Variants in PUDP observed in about 807,000 individuals in gnomAD.
The protein encoded by PUDP is pseudouridine 5'-phosphatase.
Under a neutral mutation model 9.4 loss-of-function variants are expected in PUDP, and 8 were observed. The ratio of observed to expected loss-of-function variants is 0.85; its 90% CI spans 0.50 to 1.53. PUDP has a LOEUF of 1.53. Ranked by LOEUF, PUDP falls within the 40% of genes most tolerant of loss-of-function variation. The probability of loss-of-function intolerance (pLI) is 0.00; values close to 1 mark genes in which losing one functional copy is unlikely to be tolerated. For synonymous variants in PUDP, 99 were observed against 80.7 expected (o/e 1.23, Z -1.22); for missense variants, 188 against 189.7 (o/e 0.99, Z 0.05).
At chrX:6,789,248 C>T (rs764995975) in intron 3 of PUDP, among the ~76,000 whole-genome samples, 2 of 109,695 alleles carry the variant, frequency 1.8e-5, no homozygotes, top group East Asian at 2.8e-4. Flanking sequence ...CGACATTGCA[C>T]GACTGCACTC....
At chrX:6,880,346 A>T (rs929313508) in intron 3 of PUDP, among the ~76,000 whole-genome samples, 5 of 111,188 alleles carry the variant, frequency 4.5e-5, no homozygotes, top group African/African-American at 1.6e-4. Context: ...GAGTGAGAAC[A>T]TATGATGTTT....
chrX:6,832,407 T>A (rs1442379989), intron 3 of PUDP, among the ~76,000 whole-genome samples: 2 of 112,099 alleles, frequency 1.8e-5, no homozygotes, highest in Admixed American at 1.9e-4. Flanking sequence ...TGGGGACAGT[T>A]CACAAGAAGT....
At chrX:6,966,981 G>A (rs1212523037) in intron 3 of PUDP, among the ~76,000 whole-genome samples, 1 of 111,931 alleles carries the variant, frequency 8.9e-6, no homozygotes, top group African/African-American at 3.2e-5. Flanking sequence ...GTTGGAGGAA[G>A]GTAAGGGAAG....
At chrX:6,921,307 C>G (rs1419095686) in intron 3 of PUDP, among the ~76,000 whole-genome samples, 3 of 110,208 alleles carry the variant, frequency 2.7e-5, no homozygotes, top group Non-Finnish European at 5.7e-5. Context: ...CACTTGAGAC[C>G]TTGGAGGTTG....
chrX:7,050,772 T>C (rs1170124895), intron 3 of PUDP, among the ~76,000 whole-genome samples: 1 of 112,442 alleles, frequency 8.9e-6, no homozygotes, highest in African/African-American at 3.2e-5. Context: ...TATTATTTTA[T>C]TGGGATCATA....
chrX:6,744,000 C>A (rs1166431988), intron 3 of PUDP, among the ~76,000 whole-genome samples: 1 of 111,597 alleles, frequency 9.0e-6, no homozygotes, highest in East Asian at 2.8e-4. Context: ...CCAGTGGCAT[C>A]TCTTAGCTAC....
chrX:7,094,024 G>A (rs1277718083), intron 2 of PUDP, among the ~76,000 whole-genome samples: 3 of 111,237 alleles, frequency 2.7e-5, no homozygotes, highest in African/African-American at 6.6e-5. Context: ...TGGGAGGATC[G>A]CTTGGGTTTG....
chrX:6,764,066 C>T (rs1454039214), intron 3 of PUDP, among the ~76,000 whole-genome samples: 2 of 112,020 alleles, frequency 1.8e-5, no homozygotes, highest in East Asian at 5.6e-4. Flanking sequence ...AATTTTTCAT[C>T]TTCATATCCA....
exon 3 of PUDP, among the ~76,000 whole-genome samples, chrX:6,977,186 C>A (rs73627519): frequency 8.6e-4 from 96 of 111,831 alleles, no homozygotes; most frequent in African/African-American, 3.0e-3. Context: ...CATGCCACTC[C>A]AGGAACAGGC....
chrX:6,873,953 C>T (rs938591796), intron 3 of PUDP, among the ~76,000 whole-genome samples: 1 of 111,256 alleles, frequency 9.0e-6, no homozygotes, highest in Non-Finnish European at 1.9e-5. Context: ...AAAACCTCAT[C>T]TCTACAAAAA....
rs1012579345 is a variant in PUDP, at chrX:7,071,834, T to C, written c.510+5386A>G. 7.4e-5 allele frequency among the ~76,000 whole-genome samples: 8 copies of C among 108,052 alleles called. No homozygotes were observed. The Admixed American group carries it at 8.0e-4, about 11-fold the overall frequency. The allele number at this position is 108,052 out of a possible 115,157, so 93.8% of individuals were successfully genotyped here. On this transcript the variant is annotated intron_variant, in intron 3 of 3. Transcript: ENST00000381077. ...CTCTGTCACCCAGGCTGGAGGGCAG[T>C]GGCATGATCTCGGCTCACTGAAACT...
intron 3 of PUDP, among the ~76,000 whole-genome samples, chrX:6,829,722 A>T (rs2146712138): frequency 9.0e-6 from 1 of 111,713 alleles, no homozygotes; most frequent in Admixed American, 9.6e-5. Context: ...TTTTAAAGTC[A>T]GGATATTGTT....
At chrX:7,133,315 C>T (rs1434585220) in intron 1 of PUDP, among the ~76,000 whole-genome samples, 2 of 111,394 alleles carry the variant, frequency 1.8e-5, no homozygotes, top group Admixed American at 9.5e-5. Flanking sequence ...AAGCATGTGC[C>T]GAAGCCATGA....
intron 1 of PUDP, among the ~76,000 whole-genome samples, chrX:7,042,544 GC>G (rs1230983555): frequency 9.0e-6 from 1 of 111,437 alleles, no homozygotes; most frequent in Non-Finnish European, 1.9e-5. Context: ...CTTCCACCCA[GC>G]CCTTCACATT....
chrX:6,996,567 T>C (rs1480960097), intron 1 of PUDP, among the ~76,000 whole-genome samples: 3 of 107,824 alleles, frequency 2.8e-5, no homozygotes, highest in Non-Finnish European at 3.8e-5. Context: ...CATATATATA[T>C]ACACATATAT....
intron 3 of PUDP, among the ~76,000 whole-genome samples, chrX:6,772,629 G>GAAAAAA (rs200479446): frequency 1.0e-5 from 1 of 100,133 alleles, no homozygotes; most frequent in Non-Finnish European, 2.0e-5. Flanking sequence ...ATACAGACAA[G>GAAAAAA]GAAAAAAAAA....
chrX:6,888,327 T>C (rs1927460784), intron 3 of PUDP, among the ~76,000 whole-genome samples: 1 of 110,228 alleles, frequency 9.1e-6, no homozygotes, highest in Non-Finnish European at 1.9e-5. Context: ...TGATCACATG[T>C]ACGTGAACAT....
At chrX:7,131,974 C>T (rs1156705224) in intron 1 of PUDP, among the ~76,000 whole-genome samples, 1 of 110,100 alleles carries the variant, frequency 9.1e-6, no homozygotes, top group African/African-American at 3.3e-5. Context: ...TGCTGTGAGG[C>T]ACATCCGACT....
chrX:7,035,661 T>G (rs1262805852), intron 1 of PUDP, among the ~76,000 whole-genome samples: 1 of 112,151 alleles, frequency 8.9e-6, no homozygotes, highest in Non-Finnish European at 1.9e-5. Flanking sequence ...TACTCATTTG[T>G]TTTCTTCATG....
Sources: allele counts gnomAD v4.1 joint callset (sites outside exome capture counted in the v4.1 genomes callset), GRCh38; gene constraint gnomAD v4.1.1; transcripts MANE v1.5; gene names NCBI Gene and HGNC (gene_info 2026-07-23, HGNC 2026-07-21).